CSMD1: variants seen among roughly 807,000 people sequenced by gnomAD.
CSMD1 encodes CUB and sushi domain-containing protein 1.
In CSMD1, 213 loss-of-function variants were observed where a neutral mutation model predicts 417.5. The observed-to-expected ratio is 0.51, with a 90% CI of 0.46 to 0.57. CSMD1 has a LOEUF of 0.57. Ranked by LOEUF, CSMD1 falls within the 20% of genes least tolerant of loss-of-function variation. The pLI, the probability that CSMD1 is intolerant of heterozygous loss-of-function variation, is 0.00. For synonymous variants in CSMD1, 2,862 were observed against 1,736.8 expected (o/e 1.65, Z -16.11); for missense variants, 6,923 against 4,529.7 (o/e 1.53, Z -15.17).
At chr8:3,618,753 A>G (rs2117180712) in intron 7 of CSMD1, among the ~76,000 whole-genome samples, 1 of 152,290 alleles carries the variant, frequency 6.6e-6, no homozygotes, top group Non-Finnish European at 1.5e-5. Flanking sequence ...CCAATGAAGA[A>G]AAAGATGTTC....
intron 26 of CSMD1, among the ~76,000 whole-genome samples, chr8:3,241,224 G>T (rs1366865567): frequency 6.6e-6 from 1 of 151,260 alleles, no homozygotes; most frequent in Admixed American, 6.6e-5. Flanking sequence ...TAACTAAAAA[G>T]GAGTGCTTAA....
chr8:3,602,127 A>G (rs1364528407), intron 8 of CSMD1, among the ~76,000 whole-genome samples: 1 of 152,206 alleles, frequency 6.6e-6, no homozygotes, highest in East Asian at 1.9e-4. Context: ...CACACTTAAA[A>G]TGGTCAGGAT....
At chr8:4,546,056 G>C (rs550306993) in intron 2 of CSMD1, among the ~76,000 whole-genome samples, 1 of 152,170 alleles carries the variant, frequency 6.6e-6, no homozygotes, top group South Asian at 2.1e-4. Flanking sequence ...CTTACCACCT[G>C]CAAGTCAACT....
In CSMD1 at chr8:3,713,712, TCAAA is replaced by T. The variant is rs1801660258; in HGVS notation, c.932-5225_932-5222del. 2.6e-5 allele frequency among the ~76,000 whole-genome samples: 4 copies of T among 152,218 alleles called. No homozygotes were observed. In the South Asian group the frequency reaches 8.3e-4, roughly 32 times the overall value. ...CAAATAAATAAAATGCAAAATTCTT[TCAAA>T]CAAATGTAACGTACTCAATATGAGG... On this transcript the variant is annotated intron_variant, in intron 6 of 69. Coordinates refer to ENST00000635120, the MANE Select transcript of CSMD1 (RefSeq NM_033225.6).
chr8:3,924,215 T>G (rs1193862033), intron 5 of CSMD1, among the ~76,000 whole-genome samples: 1 of 152,192 alleles, frequency 6.6e-6, no homozygotes, highest in Non-Finnish European at 1.5e-5. Flanking sequence ...TATCGATCCA[T>G]TTTTTCCTGG....
intron 41 of CSMD1, among the ~76,000 whole-genome samples, chr8:3,134,964 C>T (rs186647600): frequency 6.6e-6 from 1 of 152,120 alleles, no homozygotes; most frequent in African/African-American, 2.4e-5. Context: ...CACTTTGATG[C>T]CCAGGCTGGA....
chr8:3,426,327 G>A (rs570008263), intron 12 of CSMD1, among the ~76,000 whole-genome samples: 20 of 152,196 alleles, frequency 1.3e-4, no homozygotes, highest in South Asian at 4.1e-4. Flanking sequence ...ATTTTGTTCC[G>A]TAGGTTACGT....
At chr8:4,239,382 C>T (rs976695293) in intron 3 of CSMD1, among the ~76,000 whole-genome samples, 1 of 152,130 alleles carries the variant, frequency 6.6e-6, no homozygotes, top group African/African-American at 2.4e-5. Context: ...TCTCATTTGG[C>T]CATGGTTGGG....
At chr8:4,769,229 G>C (rs983032947) in intron 1 of CSMD1, among the ~76,000 whole-genome samples, 4 of 152,112 alleles carry the variant, frequency 2.6e-5, no homozygotes, top group Admixed American at 6.5e-5. Flanking sequence ...GAAATGAAGA[G>C]ATGCATATAA....
intron 26 of CSMD1, among the ~76,000 whole-genome samples, chr8:3,262,979 T>G (rs1334263208): frequency 6.6e-6 from 1 of 152,230 alleles, no homozygotes; most frequent in African/African-American, 2.4e-5. Flanking sequence ...TCAAGAAGTA[T>G]TATGGACATT....
intron 1 of CSMD1, among the ~76,000 whole-genome samples, chr8:4,967,258 G>GT: frequency 6.6e-6 from 1 of 152,240 alleles, no homozygotes; most frequent in South Asian, 2.1e-4. Context: ...CTTAGGTTGA[G>GT]TTTTTATCAA....
At chr8:4,415,684 C>T (rs955473706) in intron 3 of CSMD1, among the ~76,000 whole-genome samples, 1 of 152,158 alleles carries the variant, frequency 6.6e-6, no homozygotes, top group Non-Finnish European at 1.5e-5. Flanking sequence ...CTGGTAGAGG[C>T]CCCGTGAATG....
intron 16 of CSMD1, among the ~76,000 whole-genome samples, chr8:3,399,020 T>C (rs1054320945): frequency 1.3e-5 from 2 of 152,108 alleles, no homozygotes; most frequent in African/African-American, 4.8e-5. Context: ...AGAGCTGATT[T>C]CCTCTACCAC....
chr8:4,253,466 TG>T (rs1342524763), intron 3 of CSMD1, among the ~76,000 whole-genome samples: 3 of 152,190 alleles, frequency 2.0e-5, no homozygotes, highest in Non-Finnish European at 4.4e-5. Flanking sequence ...AATAAACATT[TG>T]TTGTTTAAGT....
chr8:3,699,876 C>T (rs1003926806), intron 7 of CSMD1, among the ~76,000 whole-genome samples: 1 of 152,064 alleles, frequency 6.6e-6, no homozygotes, highest in African/African-American at 2.4e-5. Context: ...TGGGTTATAT[C>T]CCATAGCTAC....
intron 1 of CSMD1, among the ~76,000 whole-genome samples, chr8:4,763,132 G>C (rs1204898976): frequency 1.3e-5 from 2 of 152,178 alleles, no homozygotes; most frequent in Admixed American, 6.5e-5. Context: ...CAAAGACGAA[G>C]AGGTTAATAC....
intron 7 of CSMD1, among the ~76,000 whole-genome samples, chr8:3,650,578 G>C (rs1445289738): frequency 1.3e-5 from 2 of 152,142 alleles, no homozygotes; most frequent in African/African-American, 2.4e-5. Context: ...TATACTGCTA[G>C]TTATTCTGAG....
intron 10 of CSMD1, among the ~76,000 whole-genome samples, chr8:3,526,974 C>A (rs1240214664): frequency 1.3e-5 from 2 of 152,070 alleles, no homozygotes; most frequent in South Asian, 4.2e-4. Context: ...GTGCAGCCCT[C>A]TGGAGGGTGG....
intron 10 of CSMD1, among the ~76,000 whole-genome samples, chr8:3,532,072 C>T (rs1427855226): frequency 6.6e-6 from 1 of 152,190 alleles, no homozygotes; most frequent in Non-Finnish European, 1.5e-5. Context: ...ATGATTAGCT[C>T]GTCTATGAAA....
Sources: gnomAD v4.1 joint callset for allele counts (sites outside exome capture counted in the v4.1 genomes callset) on GRCh38, gnomAD v4.1.1 for gene constraint, MANE v1.5 for transcripts, NCBI Gene and HGNC (gene_info 2026-07-23, HGNC 2026-07-21) for gene names.